Variants in GABRB1 observed in about 807,000 individuals in gnomAD.
GABRB1 encodes the protein gamma-aminobutyric acid receptor subunit beta-1.
Under a neutral mutation model 51.6 loss-of-function variants are expected in GABRB1, and 17 were observed. The observed-to-expected ratio is 0.33, with a 90% CI of 0.23 to 0.49. GABRB1 has a LOEUF of 0.49. GABRB1 is among the 20% of genes least tolerant of loss of function. GABRB1 has a pLI of 0.99. For missense variants in GABRB1, 410 were observed against 600.6 expected, an observed-to-expected ratio of 0.68 and a Z score of 3.32; for synonymous variants, 247 against 218.9, an observed-to-expected ratio of 1.13 and a Z score of -1.14.
At chr4:47,079,442 T>A (rs1479853433) in intron 3 of GABRB1, among the ~76,000 whole-genome samples, 2 of 152,160 alleles carry the variant, frequency 1.3e-5, no homozygotes, top group Non-Finnish European at 2.9e-5. Context: ...TGTATTTCTG[T>A]GGGATTGGTG....
chr4:47,027,576 C>T (rs1725140934), upstream of GABRB1, among the ~76,000 whole-genome samples: 1 of 151,176 alleles, frequency 6.6e-6, no homozygotes, highest in Admixed American at 6.6e-5. Flanking sequence ...TAATATATCA[C>T]TAGAGGATAA....
intron 3 of GABRB1, among the ~76,000 whole-genome samples, chr4:47,104,696 T>C (rs766194725): frequency 1.3e-5 from 2 of 152,048 alleles, no homozygotes; most frequent in Non-Finnish European, 2.9e-5. Context: ...ATTCTGTTTT[T>C]GGCTGTATCA....
intron 3 of GABRB1, among the ~76,000 whole-genome samples, chr4:47,140,093 A>AACACACACACAC (rs67749563): frequency 1.5e-5 from 2 of 135,326 alleles, no homozygotes; most frequent in African/African-American, 5.6e-5. Context: ...AAATTAAATT[A>AACACACACACAC]ACACACACAC....
intron 3 of GABRB1, among the ~76,000 whole-genome samples, chr4:47,036,176 G>A (rs1180224514): frequency 2.0e-5 from 3 of 152,136 alleles, no homozygotes; most frequent in Non-Finnish European, 2.9e-5. Flanking sequence ...ACGAAAATGA[G>A]CCAATTTTAT....
intron 4 of GABRB1, among the ~76,000 whole-genome samples, chr4:47,228,465 C>T (rs961304514): frequency 6.6e-6 from 1 of 151,902 alleles, no homozygotes; most frequent in Non-Finnish European, 1.5e-5. Context: ...TTCTGTTTCT[C>T]GTTGGTGAGA....
intron 3 of GABRB1, among the ~76,000 whole-genome samples, chr4:47,055,847 A>G (rs1304277352): frequency 6.6e-6 from 1 of 152,192 alleles, no homozygotes; most frequent in Non-Finnish European, 1.5e-5. Flanking sequence ...TCAAGACTGG[A>G]CATGAAACCT....
chr4:47,209,101 C>A (rs566667658), intron 4 of GABRB1, among the ~76,000 whole-genome samples: 1 of 151,920 alleles, frequency 6.6e-6, no homozygotes, highest in East Asian at 1.9e-4. Flanking sequence ...CCACATAGTA[C>A]CAAAAGCTTA....
intron 3 of GABRB1, among the ~76,000 whole-genome samples, chr4:47,121,593 C>T (rs1715779382): frequency 6.6e-6 from 1 of 151,940 alleles, no homozygotes; most frequent in Admixed American, 6.6e-5. Context: ...AAATTGTGCA[C>T]AAAATTATAT....
intron 3 of GABRB1, among the ~76,000 whole-genome samples, chr4:47,079,102 G>T (rs369205866): frequency 4.6e-5 from 7 of 152,208 alleles, no homozygotes; most frequent in African/African-American, 1.7e-4. Flanking sequence ...GCCAGGCTTT[G>T]GTATCAGGAT....
intron 4 of GABRB1, among the ~76,000 whole-genome samples, chr4:47,225,545 G>T (rs1006403196): frequency 3.3e-5 from 5 of 152,088 alleles, no homozygotes; most frequent in Admixed American, 1.3e-4. Flanking sequence ...AGACGAGATT[G>T]CAGAATGGCT....
intron 4 of GABRB1, among the ~76,000 whole-genome samples, chr4:47,237,641 T>G (rs1234256529): frequency 5.3e-5 from 8 of 152,024 alleles, no homozygotes; most frequent in Admixed American, 1.3e-4. Flanking sequence ...ATTTAAAATC[T>G]AAACACCTTT....
chr4:46,999,536 GACA>G (rs1724117241), intron 1 of GABRB1, among the ~76,000 whole-genome samples: 1 of 152,008 alleles, frequency 6.6e-6, no homozygotes, highest in Non-Finnish European at 1.5e-5. Flanking sequence ...GAGAGAACTA[GACA>G]ACAATTAAAA....
chr4:47,122,209 G>A (rs1439689138), intron 3 of GABRB1, among the ~76,000 whole-genome samples: 1 of 152,062 alleles, frequency 6.6e-6, no homozygotes, highest in African/African-American at 2.4e-5. Context: ...AATCATCAGT[G>A]GCCAAGGAAA....
chr4:47,082,561 G>A (rs763398610), intron 3 of GABRB1, among the ~76,000 whole-genome samples: 1 of 152,024 alleles, frequency 6.6e-6, no homozygotes, highest in African/African-American at 2.4e-5. Flanking sequence ...CCTACCATCT[G>A]TTAGACATGT....
chr4:47,336,010 G>A (rs1455639863), intron 5 of GABRB1, among the ~76,000 whole-genome samples: 1 of 145,894 alleles, frequency 6.9e-6, no homozygotes, highest in Non-Finnish European at 1.5e-5. Context: ...TTCTGTTTTA[G>A]ACATTCAAGA....
intron 5 of GABRB1, among the ~76,000 whole-genome samples, chr4:47,341,330 A>AC (rs1553876515): frequency 2.0e-5 from 3 of 152,162 alleles, no homozygotes; most frequent in Non-Finnish European, 4.4e-5. Flanking sequence ...ATCCCACAAC[A>AC]CCAGTGGCCA....
chr4:47,124,550 A>T (rs193013155), intron 3 of GABRB1, among the ~76,000 whole-genome samples: 4 of 152,184 alleles, frequency 2.6e-5, no homozygotes, highest in Non-Finnish European at 5.9e-5. Flanking sequence ...CTGACAAAAA[A>T]ATTCTAAATA....
chr4:47,053,652 G>A (rs1278129383), intron 3 of GABRB1, among the ~76,000 whole-genome samples: 1 of 152,124 alleles, frequency 6.6e-6, no homozygotes, highest in African/African-American at 2.4e-5. Flanking sequence ...CATGTGATGT[G>A]GGCTGTCACT....
At position 47,426,014 on chromosome 4, in the gene GABRB1, A is replaced by G; in HGVS notation, c.1421A>G (p.His474Arg). The change falls in exon 9 of 9, where the codon CAC (histidine) becomes CGC (arginine). Residue 474 changes from histidine to arginine, a missense_variant. Physicochemically the swap from His to Arg is conservative, Grantham distance 29 (BLOSUM62 0). Around this residue, in one of 5 missense-constraint regions of GABRB1, gnomAD observed 181 missense variants for 195.6 expected, o/e 0.93. Transcript: ENST00000295454. ...GTCGTCTATTGGCTTTACTATGTAC[A>G]CTGAGGTCTGTTCTAATGGTTCCAT... is the stretch of plus-strand genomic sequence containing the variant. ...FNVVYWLYYV[H>R] 6.3e-7 allele frequency: 1 copy of G among 1,580,226 alleles called. No homozygotes were observed. The highest frequency in any genetic ancestry group is 1.7e-5 in the Admixed American group (1 of 57,576).
Sources: gnomAD v4.1 joint callset for allele counts (sites outside exome capture counted in the v4.1 genomes callset) on GRCh38, gnomAD v4.1.1 for gene constraint, gnomAD v4.1.1 regional missense constraint, MANE v1.5 for transcripts, NCBI Gene and HGNC (gene_info 2026-07-23, HGNC 2026-07-21) for gene names.